Variants in NXPH1 observed in about 807,000 individuals in gnomAD.
The protein encoded by NXPH1 is neurexophilin-1.
NXPH1 carries 5 observed loss-of-function variants against 23.7 expected under a neutral mutation model. The observed-to-expected ratio is 0.21, with a 90% CI of 0.11 to 0.44. The LOEUF is 0.44. NXPH1 is among the 20% of genes least tolerant of loss of function. The pLI is 0.99. For synonymous variants in NXPH1, 144 were observed against 122.2 expected, an observed-to-expected ratio of 1.18 and a Z score of -1.18; for missense variants, 324 against 321.6, an observed-to-expected ratio of 1.01 and a Z score of -0.06.
rs190617411 is a variant in NXPH1, at chr7:8,524,974, G to A, written c.54+89207G>A. ...GTGGGGTATCACTGAAAAGATACCC[G>A]AAAATGTGGAAGTGACTTTGGAACT... is the stretch of plus-strand genomic sequence containing the variant. On this transcript the variant is annotated intron_variant, in intron 2 of 2. Transcript: ENST00000405863. Among the ~76,000 whole-genome samples, 10 of 152,284 alleles carry A rather than the reference G, an allele frequency of 6.6e-5. No homozygotes were observed. The East Asian group carries it at 9.7e-4, about 15-fold the overall frequency.
intron 2 of NXPH1, among the ~76,000 whole-genome samples, chr7:8,520,509 C>A (rs368500399): frequency 1.3e-5 from 2 of 152,122 alleles, no homozygotes; most frequent in Non-Finnish European, 2.9e-5. Context: ...AAGTCCGACA[C>A]GGTAGGAAAG....
intron 2 of NXPH1, among the ~76,000 whole-genome samples, chr7:8,521,646 T>C (rs1817773306): frequency 6.6e-6 from 1 of 152,222 alleles, no homozygotes; most frequent in South Asian, 2.1e-4. Flanking sequence ...AATACACTTT[T>C]GAAGGGGTTC....
chr7:8,542,425 A>C (rs1374911702), intron 2 of NXPH1, among the ~76,000 whole-genome samples: 1 of 151,566 alleles, frequency 6.6e-6, no homozygotes, highest in East Asian at 1.9e-4. Context: ...GTAAGCAAAA[A>C]AAATCGTAAA....
intron 2 of NXPH1, among the ~76,000 whole-genome samples, chr7:8,551,530 G>A (rs1242439893): frequency 2.6e-5 from 4 of 151,482 alleles, no homozygotes; most frequent in South Asian, 2.1e-4. Context: ...TATCCTTTAC[G>A]ATTTTGGAAC....
intron 2 of NXPH1, among the ~76,000 whole-genome samples, chr7:8,477,007 A>C (rs1486650666): frequency 1.3e-5 from 2 of 152,200 alleles, no homozygotes; most frequent in African/African-American, 4.8e-5. Context: ...AAGACACCTA[A>C]GTACAAATAT....
At chr7:8,500,492 G>A (rs1541413) in intron 2 of NXPH1, among the ~76,000 whole-genome samples, 2 of 152,060 alleles carry the variant, frequency 1.3e-5, no homozygotes, top group African/African-American at 2.4e-5. Flanking sequence ...AATGGCATCT[G>A]CCTTATTTGG....
chr7:8,642,934 G>C (rs189109536), intron 2 of NXPH1, among the ~76,000 whole-genome samples: 34 of 151,332 alleles, frequency 2.2e-4, no homozygotes, highest in Non-Finnish European at 4.0e-4. Context: ...GCCCAATCTC[G>C]GTTCACCACA....
At chr7:8,713,369 C>G (rs1490771825) in intron 2 of NXPH1, among the ~76,000 whole-genome samples, 2 of 152,156 alleles carry the variant, frequency 1.3e-5, no homozygotes, top group African/African-American at 4.8e-5. Context: ...TCTTGAATTT[C>G]TCTGCATTTC....
intron 2 of NXPH1, among the ~76,000 whole-genome samples, chr7:8,562,703 C>T (rs1009160109): frequency 5.9e-5 from 9 of 151,594 alleles, no homozygotes; most frequent in Non-Finnish European, 1.2e-4. Flanking sequence ...ATTGTCTTAA[C>T]ATATCCTAAT....
chr7:8,448,818 G>GAAAAAAAAAAAAAA (rs34098217), intron 2 of NXPH1, among the ~76,000 whole-genome samples: 1 of 106,086 alleles, frequency 9.4e-6, no homozygotes, highest in Non-Finnish European at 1.8e-5. Flanking sequence ...TCGTCTCGGG[G>GAAAAAAAAAAAAAA]AAAAAAAAAA....
At chr7:8,575,273 C>T (rs1223444213) in intron 2 of NXPH1, among the ~76,000 whole-genome samples, 1 of 152,172 alleles carries the variant, frequency 6.6e-6, no homozygotes, top group Non-Finnish European at 1.5e-5. Flanking sequence ...TTTCTTACTT[C>T]ATACTCTTTT....
intron 2 of NXPH1, among the ~76,000 whole-genome samples, chr7:8,639,577 A>G (rs879282949): frequency 1.3e-5 from 2 of 152,186 alleles, no homozygotes; most frequent in African/African-American, 4.8e-5. Context: ...GAGGCTGAGC[A>G]TCTTTTTATA....
intron 2 of NXPH1, among the ~76,000 whole-genome samples, chr7:8,672,645 G>C (rs1820889456): frequency 6.6e-6 from 1 of 152,068 alleles, no homozygotes; most frequent in Non-Finnish European, 1.5e-5. Flanking sequence ...AAAGAAGTCT[G>C]CATTTTGAAG....
chr7:8,639,966 C>G (rs572873918), intron 2 of NXPH1, among the ~76,000 whole-genome samples: 1 of 152,256 alleles, frequency 6.6e-6, no homozygotes, highest in South Asian at 2.1e-4. Context: ...ACTAATAAAC[C>G]TAGCTTCTGT....
intron 2 of NXPH1, among the ~76,000 whole-genome samples, chr7:8,465,205 A>G (rs181454191): frequency 2.6e-5 from 4 of 152,252 alleles, no homozygotes; most frequent in Non-Finnish European, 4.4e-5. Context: ...ATGGAGAAGT[A>G]TGGGTAAAAT....
chr7:8,616,385 T>C (rs566446903), intron 2 of NXPH1, among the ~76,000 whole-genome samples: 15 of 152,182 alleles, frequency 9.9e-5, no homozygotes, highest in African/African-American at 3.4e-4. Context: ...TCATTGCCCT[T>C]ATGCTGTATT....
rs144810873 is a variant in NXPH1, at chr7:8,634,665, GTTTTTTTTTTTTTT to G, written c.55-116326_55-116313del. 1.4e-3 allele frequency among the ~76,000 whole-genome samples: 131 copies of G among 95,696 alleles called. 1 individual carries two copies. The highest frequency in any genetic ancestry group is 2.8e-3 in the African/African-American group (80 of 28,276). 62.8% of individuals were successfully genotyped at this position (95,696 alleles called of 152,430 possible). A position where few individuals can be genotyped will look rare whatever the true frequency, so the allele number is the denominator to read the frequency against. Reference sequence around the variant, plus strand: ...TGCATGGTAGAGATTGTCCAGAAGAGTTTTTTTTTTTTTTTTTTTTTTTTTTTTTTCCAAAGAGC... The same window carrying G: ...TGCATGGTAGAGATTGTCCAGAAGAGTTTTTTTTTTTTTTTTCCAAAGAGC... On this transcript the variant is annotated intron_variant, in intron 2 of 2. Coordinates refer to ENST00000405863, the MANE Select transcript of NXPH1 (RefSeq NM_152745.3).
At chr7:8,515,678 C>G (rs1817676358) in intron 2 of NXPH1, among the ~76,000 whole-genome samples, 1 of 152,040 alleles carries the variant, frequency 6.6e-6, no homozygotes, top group Non-Finnish European at 1.5e-5. Context: ...GTAAATAAGA[C>G]CTAATGCATA....
chr7:8,585,399 TG>T (rs1818959734), intron 2 of NXPH1, among the ~76,000 whole-genome samples: 1 of 150,548 alleles, frequency 6.6e-6, no homozygotes, highest in South Asian at 2.1e-4. Context: ...TCTTGAACTC[TG>T]GCTTTACTAT....
Sources: gnomAD v4.1 joint callset for allele counts (sites outside exome capture counted in the v4.1 genomes callset) on GRCh38, gnomAD v4.1.1 for gene constraint, MANE v1.5 for transcripts, NCBI Gene and HGNC (gene_info 2026-07-23, HGNC 2026-07-21) for gene names.